Variants in ZNF420 observed in about 807,000 individuals in gnomAD.
The protein encoded by ZNF420 is ATM and p53-associated KZNF protein.
A neutral mutation model predicts 44.7 loss-of-function variants in ZNF420; 31 were observed. The observed-to-expected ratio is 0.69, with a 90% CI of 0.52 to 0.94. ZNF420 has a LOEUF of 0.94. Ranked by LOEUF, ZNF420 falls within the 40% of genes least tolerant of loss-of-function variation. The probability of loss-of-function intolerance (pLI) is 0.00; values close to 1 mark genes in which losing one functional copy is unlikely to be tolerated. For missense variants in ZNF420, 681 were observed against 827.9 expected, an observed-to-expected ratio of 0.82 and a Z score of 2.18; for synonymous variants, 245 against 267.4, an observed-to-expected ratio of 0.92 and a Z score of 0.82.
At chr19:37,056,401 G>C (rs1300309956) in intron 1 of ZNF420, among the ~76,000 whole-genome samples, 1 of 152,106 alleles carries the variant, frequency 6.6e-6, no homozygotes, top group Non-Finnish European at 1.5e-5. Flanking sequence ...CCCCATATGG[G>C]CTCGGTGACA....
At chr19:37,115,543 A>G (rs1226338833) in intron 4 of ZNF420, among the ~76,000 whole-genome samples, 1 of 151,960 alleles carries the variant, frequency 6.6e-6, no homozygotes, top group Non-Finnish European at 1.5e-5. Context: ...ATCTCGGTGC[A>G]TTAAATAGCA....
chr19:37,040,633 G>T (rs989853483), intron 1 of ZNF420, among the ~76,000 whole-genome samples: 8 of 152,112 alleles, frequency 5.3e-5, no homozygotes, highest in Non-Finnish European at 1.2e-4. Flanking sequence ...AAAGAGAAAG[G>T]ACTCTTGGGT....
At chr19:37,017,734 G>A (rs1254352505) in intron 1 of ZNF420, among the ~76,000 whole-genome samples, 2 of 152,112 alleles carry the variant, frequency 1.3e-5, no homozygotes, top group East Asian at 3.9e-4. Flanking sequence ...AAGACTGAAA[G>A]CTTTTTCTCC....
intron 4 of ZNF420, among the ~76,000 whole-genome samples, chr19:37,122,587 T>C (rs1238294): frequency 0.85 from 128,952 of 152,050 alleles, 55,155 homozygotes; most frequent in African/African-American, 0.96. Flanking sequence ...ACATTGTGCA[T>C]ATGTACCCTA....
At position 37,072,848 on chromosome 19, in the gene ZNF420, AATG is replaced by A. The variant is rs940728660; in HGVS notation, c.-124-7493_-124-7491del. The stretch of plus-strand genomic sequence containing the variant: ...TTTTCTGTCATTATTTCAAAATACT[AATG>A]ATGTCTTTTTAAATATTATGAACAT... On this transcript the variant is annotated intron_variant, in intron 1 of 4. Coordinates refer to the ZNF420 transcript ENST00000587029. 1.6e-4 allele frequency among the ~76,000 whole-genome samples: 24 copies of A among 151,250 alleles called. 1 individual carries two copies. Among genetic ancestry groups the A allele is most frequent in the African/African-American group, 5.2e-4 (21 of 40,692 alleles).
intron 1 of ZNF420, among the ~76,000 whole-genome samples, chr19:37,019,254 T>C (rs1009181697): frequency 5.3e-5 from 8 of 152,152 alleles, no homozygotes; most frequent in African/African-American, 1.9e-4. Context: ...GACATACAGA[T>C]GGCCAATAAG....
chr19:37,106,799 A>G (rs1237850950), intron 4 of ZNF420: 1 of 152,140 alleles, frequency 6.6e-6, no homozygotes, highest in Non-Finnish European at 1.5e-5. Context: ...CTCAGTATTT[A>G]TTGATCATTA....
At chr19:37,082,229 C>T (rs1401021755) in intron 2 of ZNF420, among the ~76,000 whole-genome samples, 2 of 152,112 alleles carry the variant, frequency 1.3e-5, no homozygotes, top group Non-Finnish European at 2.9e-5. Context: ...GTGGTGTGAT[C>T]TCAGCTCACT....
In ZNF420 at chr19:37,010,741, C is replaced by T. The variant is rs538048406; in HGVS notation, c.-125+2659C>T. 4.6e-5 allele frequency among the ~76,000 whole-genome samples: 7 copies of T among 152,160 alleles called. No individual in the cohort carries two copies. In the South Asian group the frequency reaches 1.5e-3, roughly 32 times the overall value. ...AGTTCCACTTTGGGTTTCTAAAGGC[C>T]TCGACGACGTGAGGAGAGGCGTCGG... On this transcript the variant is annotated intron_variant, in intron 1 of 4. Coordinates refer to the ZNF420 transcript ENST00000587029.
At chr19:37,124,566 ATT>A (rs1224833248) in intron 4 of ZNF420, among the ~76,000 whole-genome samples, 3 of 152,214 alleles carry the variant, frequency 2.0e-5, no homozygotes, top group South Asian at 4.1e-4. Context: ...CAGCAACAGT[ATT>A]TGAGAATTTT....
At chr19:37,046,218 CAGG>C in intron 1 of ZNF420, among the ~76,000 whole-genome samples, 1 of 152,122 alleles carries the variant, frequency 6.6e-6, no homozygotes, top group Admixed American at 6.5e-5. Flanking sequence ...CAAACTAATA[CAGG>C]AGGTGAGAGT....
At chr19:37,075,328 T>C (rs1230675173), upstream of ZNF420, among the ~76,000 whole-genome samples, 1 of 152,206 alleles carries the variant, frequency 6.6e-6, no homozygotes, top group East Asian at 1.9e-4. Context: ...TTTTTCTGGA[T>C]TTTGTCTGCT....
intron 1 of ZNF420, among the ~76,000 whole-genome samples, chr19:37,050,109 G>GT (rs1967612193): frequency 6.6e-6 from 1 of 152,122 alleles, no homozygotes; most frequent in Non-Finnish European, 1.5e-5. Flanking sequence ...TGCTGTTTTG[G>GT]TTACTGTAGC....
intron 1 of ZNF420, among the ~76,000 whole-genome samples, chr19:37,058,368 C>G (rs1224759660): frequency 6.6e-6 from 1 of 152,070 alleles, no homozygotes; most frequent in Non-Finnish European, 1.5e-5. Context: ...TAGGAAAGGC[C>G]GTGCGGCATT....
At chr19:37,054,213 C>G (rs538825896) in intron 1 of ZNF420, among the ~76,000 whole-genome samples, 1 of 152,312 alleles carries the variant, frequency 6.6e-6, no homozygotes, top group African/African-American at 2.4e-5. Flanking sequence ...TGGAAAAGCT[C>G]AGTATTAGGG....
chr19:37,058,021 G>A (rs1438893983), intron 1 of ZNF420, among the ~76,000 whole-genome samples: 2 of 152,162 alleles, frequency 1.3e-5, no homozygotes, highest in East Asian at 3.9e-4. Flanking sequence ...CGGTGACACT[G>A]TGCTGTGTCT....
At chr19:37,105,608 C>T (rs1322853917) in intron 4 of ZNF420, among the ~76,000 whole-genome samples, 1 of 152,040 alleles carries the variant, frequency 6.6e-6, no homozygotes, top group African/African-American at 2.4e-5. Context: ...TTTATTGATT[C>T]TTGATTCATC....
Position 37,127,262 on chromosome 19 carries a change from G to A in ZNF420, c.271G>A (p.Glu91Lys). ...AGAGTCCAATTCCAGGGATTATTTG[G>A]AAGCCAAAGGCAAGATGGAGAAGCA... is the stretch of plus-strand genomic sequence containing the variant. ...LEESNSRDYL[E>K]AKGKMEKQQE... The change falls in exon 5 of 5, where the codon GAA becomes AAA. Residue 91 changes from glutamate to lysine, a missense_variant. Glu to Lys is a moderately conservative substitution (Grantham distance 56, BLOSUM62 1). Transcript: ENST00000337995. 1 of 1,613,656 alleles carries A rather than the reference G, an allele frequency of 6.2e-7. No individual in the cohort carries two copies. The highest frequency in any genetic ancestry group is 2.2e-5 in the East Asian group (1 of 44,860).
intron 4 of ZNF420, among the ~76,000 whole-genome samples, chr19:37,112,452 AG>A (rs1348576808): frequency 2.0e-5 from 3 of 152,176 alleles, no homozygotes; most frequent in Non-Finnish European, 4.4e-5. Context: ...TACACTTCTG[AG>A]GCAGTGCCTA....
Sources: gnomAD v4.1 joint callset for allele counts (sites outside exome capture counted in the v4.1 genomes callset) on GRCh38, gnomAD v4.1.1 for gene constraint, MANE v1.5 for transcripts, NCBI Gene and HGNC (gene_info 2026-07-23, HGNC 2026-07-21) for gene names.